FAAH2: variants seen among roughly 807,000 people sequenced by gnomAD.
FAAH2 encodes the protein fatty-acid amide hydrolase 2.
FAAH2 carries 60 observed loss-of-function variants against 36.9 expected under a neutral mutation model. That is an observed-to-expected ratio of 1.63 (90% CI 1.32 to 2.02). FAAH2 has a LOEUF of 2.02. Ranked by LOEUF, FAAH2 falls within the 30% of genes most tolerant of loss-of-function variation. The probability of loss-of-function intolerance (pLI) is 0.00; values close to 1 mark genes in which losing one functional copy is unlikely to be tolerated. For missense variants in FAAH2, 689 were observed against 397.5 expected, an observed-to-expected ratio of 1.73 and a Z score of -6.23; for synonymous variants, 214 against 143.8, an observed-to-expected ratio of 1.49 and a Z score of -3.49.
chrX:57,196,933 T>C, the FAAH2 span, among the ~76,000 whole-genome samples: 7 of 112,039 alleles, frequency 6.2e-5, no homozygotes, highest in Non-Finnish European at 5.6e-5. Context: ...TCATGCAAGG[T>C]CAGGGATGTT....
the FAAH2 span, among the ~76,000 whole-genome samples, chrX:57,232,092 TTGAAC>T: frequency 6.3e-5 from 7 of 111,723 alleles, no homozygotes; most frequent in Non-Finnish European, 1.1e-4. Context: ...CCAGTTTGGA[TTGAAC>T]TGATATCTGT....
chrX:57,124,361 A>G, the FAAH2 span, among the ~76,000 whole-genome samples: 3 of 111,263 alleles, frequency 2.7e-5, no homozygotes, highest in Non-Finnish European at 3.8e-5. Flanking sequence ...CCATTGGTCT[A>G]TATCTCTGTT....
chrX:57,208,523 G>A, the FAAH2 span, among the ~76,000 whole-genome samples: 2 of 111,621 alleles, frequency 1.8e-5, no homozygotes, highest in Non-Finnish European at 3.8e-5. Flanking sequence ...CTGGGTTTGA[G>A]CCCCCACGTT....
intron 7 of FAAH2, among the ~76,000 whole-genome samples, chrX:57,385,506 G>A (rs181679142): frequency 5.6e-4 from 63 of 111,530 alleles, no homozygotes; most frequent in Admixed American, 5.2e-3. Flanking sequence ...CTTCTCCAGA[G>A]GGGAGAAACA....
At chrX:57,384,623 A>G (rs947521466) in intron 7 of FAAH2, among the ~76,000 whole-genome samples, 5 of 111,114 alleles carry the variant, frequency 4.5e-5, no homozygotes, top group Non-Finnish European at 7.6e-5. Context: ...AACCACAATG[A>G]GATACCATCT....
intron 10 of FAAH2, among the ~76,000 whole-genome samples, chrX:57,466,150 CTCTCTCTATA>C (rs1452059685): frequency 2.6e-5 from 2 of 75,666 alleles, no homozygotes; most frequent in Non-Finnish European, 2.4e-5. Flanking sequence ...CTCTCTCTCT[CTCTCTCTATA>C]TATATATATA....
chrX:57,278,115 G>A, the FAAH2 span, among the ~76,000 whole-genome samples: 1 of 111,562 alleles, frequency 9.0e-6, no homozygotes, highest in African/African-American at 3.3e-5. Context: ...TCATTGCCAT[G>A]ACAATCCTAA....
At chrX:57,135,088 A>G in the FAAH2 span, 7 of 111,257 alleles carry the variant, frequency 6.3e-5, no homozygotes, top group African/African-American at 2.3e-4. Context: ...CTTTTCCTGT[A>G]TTCTCACTCC....
intron 5 of FAAH2, among the ~76,000 whole-genome samples, chrX:57,366,856 A>G (rs753226631): frequency 8.9e-6 from 1 of 112,134 alleles, no homozygotes; most frequent in Non-Finnish European, 1.9e-5. Context: ...CAACACAGCC[A>G]TGTTCTTTTC....
chrX:57,153,853 G>T, the FAAH2 span, among the ~76,000 whole-genome samples: 1 of 112,575 alleles, frequency 8.9e-6, no homozygotes, highest in Non-Finnish European at 1.9e-5. Context: ...TGATCTTTTT[G>T]AGATGAATTT....
At chrX:57,277,639 G>A in the FAAH2 span, among the ~76,000 whole-genome samples, 76 of 111,904 alleles carry the variant, frequency 6.8e-4, no homozygotes, top group Middle Eastern at 9.2e-3. Context: ...AATTGTCTGT[G>A]CTTGCAGATG....
chrX:57,187,252 T>A, the FAAH2 span, among the ~76,000 whole-genome samples: 1 of 111,246 alleles, frequency 9.0e-6, no homozygotes, highest in East Asian at 2.8e-4. Flanking sequence ...AGTGGAGTGG[T>A]TTCAGTTCTC....
the FAAH2 span, among the ~76,000 whole-genome samples, chrX:57,235,692 A>G: frequency 8.9e-6 from 1 of 111,844 alleles, no homozygotes; most frequent in African/African-American, 3.3e-5. Context: ...TTTATTTTCA[A>G]GTGTTTGTCT....
intron 2 of FAAH2, among the ~76,000 whole-genome samples, chrX:57,306,988 C>CAGATATATATATATATATATATAT (rs1339824539): frequency 9.8e-4 from 10 of 10,227 alleles, no homozygotes; most frequent in Admixed American, 3.2e-3. Flanking sequence ...CACACACACA[C>CAGATATATATATATATATATATAT]ACACAGATAC....
At chrX:57,180,252 T>C in the FAAH2 span, among the ~76,000 whole-genome samples, 1 of 111,211 alleles carries the variant, frequency 9.0e-6, no homozygotes, top group East Asian at 2.8e-4. Context: ...AAGACAAGAA[T>C]TAACCAAAAT....
At chrX:57,252,200 CG>C in the FAAH2 span, among the ~76,000 whole-genome samples, 1 of 112,356 alleles carries the variant, frequency 8.9e-6, no homozygotes, top group Non-Finnish European at 1.9e-5. Context: ...CTTGAGAAGG[CG>C]GTTCTATGCT....
chrX:57,370,233 A>G (rs757163586), intron 5 of FAAH2, among the ~76,000 whole-genome samples: 1 of 111,972 alleles, frequency 8.9e-6, no homozygotes, highest in Non-Finnish European at 1.9e-5. Flanking sequence ...TAAATGAATC[A>G]AATTCTACAA....
the FAAH2 span, among the ~76,000 whole-genome samples, chrX:57,273,112 C>T: frequency 8.9e-6 from 1 of 111,732 alleles, no homozygotes; most frequent in Non-Finnish European, 1.9e-5. Context: ...GAGTTGCAGT[C>T]CTAATCTCTG....
chrX:57,484,197 G>A (rs760219715), intron 10 of FAAH2, among the ~76,000 whole-genome samples: 6 of 111,024 alleles, frequency 5.4e-5, no homozygotes, highest in African/African-American at 2.0e-4. Context: ...AAGAAGATGG[G>A]TATTTCATCT....
Sources: allele counts gnomAD v4.1 joint callset (sites outside exome capture counted in the v4.1 genomes callset), GRCh38; gene constraint gnomAD v4.1.1; transcripts MANE v1.5; gene names NCBI Gene and HGNC (gene_info 2026-07-23, HGNC 2026-07-21).